The following XAB2 variants were observed in gnomAD, a reference collection of about 807,000 sequenced individuals.
XAB2 encodes the protein pre-mRNA-splicing factor SYF1.
A neutral mutation model predicts 113.4 loss-of-function variants in XAB2; 57 were observed. The observed-to-expected ratio is 0.50, with a 90% confidence interval of 0.41 to 0.63. XAB2 has a LOEUF of 0.63. XAB2 is among the 20% of genes least tolerant of loss of function. The pLI, the probability that XAB2 is intolerant of heterozygous loss-of-function variation, is 0.00. For synonymous variants in XAB2, 497 were observed against 498.8 expected (o/e 1.00, Z 0.05); for missense variants, 1,037 against 1,233.3 (o/e 0.84, Z 2.38).
Position 7,620,685 on chromosome 19 carries a change from G to A in XAB2, c.1972-16C>T. 1 of 1,611,684 alleles carries A rather than the reference G, an allele frequency of 6.2e-7. No individual in the cohort carries two copies. The highest frequency in any genetic ancestry group is 8.5e-7 in the Non-Finnish European group (1 of 1,179,386). ...CCGACAGCACCTGGACACCGGGGTT[G>A]GGGAGGCCGGGAGTGAGGCCGGGGT... On this transcript the variant is annotated splice_polypyrimidine_tract_variant and intron_variant, in intron 14 of 18. Transcript: ENST00000358368.
chr19:7,628,442 C>T lies in XAB2; in HGVS notation c.52-144G>A, dbSNP rs2031189329. ...CCAAGGAAGTCAGGTCACCAGATGCCCAGGCACCAAACCAGATGCCCGACA... is the reference window on the plus strand; with the variant it reads ...CCAAGGAAGTCAGGTCACCAGATGCTCAGGCACCAAACCAGATGCCCGACA... On this transcript the variant is annotated intron_variant, in intron 1 of 18. Transcript: ENST00000358368. This position sits in a 1 kb window ranked among gnomAD's most constrained non-coding sequence, Gnocchi z 4.6. 2 of 981,310 alleles carry T rather than the reference C, an allele frequency of 2.0e-6. No homozygotes were observed. Among genetic ancestry groups the T allele is most frequent in the Non-Finnish European group, 3.0e-6 (2 of 668,270 alleles). The allele number at this position is 981,310 out of a possible 1,614,324, so 60.8% of individuals were successfully genotyped here. A position where few individuals can be genotyped will look rare whatever the true frequency, so the allele number is the denominator to read the frequency against.
At position 7,626,188 on chromosome 19, in the gene XAB2, G is replaced by C; in HGVS notation, c.605C>G (p.Thr202Ser). 6.2e-7 allele frequency: 1 copy of C among 1,613,740 alleles called. No homozygotes were observed. The highest frequency in any genetic ancestry group is 8.5e-7 in the Non-Finnish European group (1 of 1,180,020). ...CACGAAACGCTCGTCGTTCACCACG[G>C]TGGCCAGGCGCTGGGCGGCCTCATC... ...RLDEAAQRLA[T>S]VVNDERFVSK... The change falls in exon 5 of 19, where the codon ACC (threonine) becomes AGC (serine). Residue 202 changes from threonine to serine, a missense_variant. Transcript: ENST00000358368.
chr19:7,623,005 C>A lies in XAB2; in HGVS notation c.1240-112G>T. 6.5e-7 allele frequency: 1 copy of A among 1,544,724 alleles called. No homozygotes were observed. The highest frequency in any genetic ancestry group is 1.2e-5 in the South Asian group (1 of 84,064). On this transcript the variant is annotated intron_variant, in intron 9 of 18. Transcript: ENST00000358368. This position sits in a 1 kb window ranked among gnomAD's most constrained non-coding sequence, Gnocchi z 4.6. ...AAACATACAGGCACAAACACACAGG[C>A]ACACACACAGGCACACACATGCGTG...
Position 7,624,242 on chromosome 19 carries a change from C to A in XAB2, c.967+59G>T, listed in dbSNP as rs939814338. 6.2e-7 allele frequency: 1 copy of A among 1,603,362 alleles called. No homozygotes were observed. The highest frequency in any genetic ancestry group is 8.5e-7 in the Non-Finnish European group (1 of 1,179,500). Reference sequence around the variant, plus strand: ...CTGCCTCACCTGAGATGTGTCCCGCCCCTACCGCTAATGTCCACTCAGCTC... The same window carrying A: ...CTGCCTCACCTGAGATGTGTCCCGCACCTACCGCTAATGTCCACTCAGCTC... On this transcript the variant is annotated intron_variant, in intron 7 of 18. Coordinates refer to ENST00000358368, the MANE Select transcript of XAB2 (RefSeq NM_020196.3). This position sits in a 1 kb window ranked among gnomAD's most constrained non-coding sequence, Gnocchi z 4.2.
Position 7,629,531 on chromosome 19 carries a change from T to G in XAB2, c.-4A>C, listed in dbSNP as rs149669681. ...AGAGTCGCGCCATCACCACCATTTT[T>G]CTGGATGCCCAGGTACAGGAGAGAG... On this transcript the variant is annotated 5_prime_UTR_variant, in exon 1 of 19. Transcript: ENST00000358368. The G allele has an allele frequency of 1.9e-6, 3 of 1,604,156 alleles. No homozygotes were observed. In the African/African-American group the frequency reaches 4.0e-5, roughly 21 times the overall value.
Position 7,623,364 on chromosome 19 carries a change from G to A in XAB2, c.1120-75C>T, listed in dbSNP as rs571449368. The A allele has an allele frequency of 4.9e-4, 777 of 1,580,480 alleles. 5 individuals carry two copies. In the South Asian group the frequency reaches 8.3e-3, roughly 17 times the overall value. On this transcript the variant is annotated intron_variant, in intron 8 of 18. Transcript: ENST00000358368. The surrounding 1 kb of genome is among the most constrained non-coding windows in gnomAD (Gnocchi z 4.6). The stretch of plus-strand genomic sequence containing the variant: ...ACGGTCGGGGCAGAGCTGTGGCTCT[G>A]AGGGGTGGGGCCTGGAGGGTGCTGT...
intron 12 of XAB2, chr19:7,621,953 A>G (rs1163448465): frequency 1.3e-5 from 3 of 231,990 alleles, no homozygotes; most frequent in Non-Finnish European, 2.6e-5. Context: ...AGTACCTCAG[A>G]AAGTAGATTC....
Position 7,628,223 on chromosome 19 carries a change from C to G in XAB2, c.127G>C (p.Glu43Gln). Reference sequence around the variant, plus strand: ...GGCTTCGGGGCGCCCTGTTTGAACTCGATGTAGCGAAGCCAGCATTTGACA... The same window carrying G: ...GGCTTCGGGGCGCCCTGTTTGAACTGGATGTAGCGAAGCCAGCATTTGACA... ...FSVKCWLRYIEFKQGAPKPRL... is the reference protein window; with the variant it reads ...FSVKCWLRYIQFKQGAPKPRL... Residue 43 changes from glutamate (E) to glutamine (Q), a missense_variant, in exon 2 of 19, where the codon GAG becomes CAG. Physicochemically the swap from Glu to Gln is conservative, Grantham distance 29. Coordinates refer to ENST00000358368, the MANE Select transcript of XAB2 (RefSeq NM_020196.3). This position sits in a 1 kb window ranked among gnomAD's most constrained non-coding sequence, Gnocchi z 4.6. 6.2e-7 allele frequency: 1 copy of G among 1,614,084 alleles called. No individual in the cohort carries two copies. The highest frequency in any genetic ancestry group is 8.5e-7 in the Non-Finnish European group (1 of 1,180,012).
rs1218554585 is a variant in XAB2, at chr19:7,624,679, T to C, written c.823-234A>G. On this transcript the variant is annotated intron_variant, in intron 6 of 18. Transcript: ENST00000358368. This position sits in a 1 kb window ranked among gnomAD's most constrained non-coding sequence, Gnocchi z 4.2. ...TTCAGGACCTCCTCAGTAAACTGGG[T>C]GACTGCCCTTTGCACACAGTGACCT... 6.6e-6 allele frequency among the ~76,000 whole-genome samples: 1 copy of C among 152,116 alleles called. No individual in the cohort carries two copies. Among genetic ancestry groups the C allele is most frequent in the African/African-American group, 2.4e-5 (1 of 41,414 alleles).
intron 12 of XAB2, 144 bp from the exon 13 acceptor site, chr19:7,621,441 G>T: frequency 1.2e-6 from 1 of 852,468 alleles, no homozygotes; most frequent in Non-Finnish European, 1.8e-6. Flanking sequence ...GTCCCTAATG[G>T]CAGTTGTGGG....
rs371936099 is a variant in XAB2 at position 7,628,226 on chromosome 19, T to A, written c.124A>T (p.Ile42Phe). Residue 42 changes from isoleucine (I) to phenylalanine (F), a missense_variant, in exon 2 of 19, where the codon ATC becomes TTC. Ile to Phe is a conservative substitution (Grantham distance 21, BLOSUM62 0). Transcript: ENST00000358368. This position sits in a 1 kb window ranked among gnomAD's most constrained non-coding sequence, Gnocchi z 4.6. ...TTCGGGGCGCCCTGTTTGAACTCGA[T>A]GTAGCGAAGCCAGCATTTGACAGAG... Reference protein sequence around the residue: ...QFSVKCWLRYIEFKQGAPKPR... With the variant: ...QFSVKCWLRYFEFKQGAPKPR... 37 of 1,614,120 alleles carry A rather than the reference T, an allele frequency of 2.3e-5. No individual in the cohort carries two copies. The highest frequency in any genetic ancestry group is 2.9e-5 in the Non-Finnish European group (34 of 1,180,012).
rs767655281 is a variant in XAB2, at chr19:7,624,971, C to T, written c.823-526G>A. ...GCCCTGCTGCCTCCGACAGCCTTGG[C>T]CTACACGTGCCCCTGGAAGGGGCGC... On this transcript the variant is annotated intron_variant, in intron 6 of 18. Transcript: ENST00000358368. This position sits in a 1 kb window ranked among gnomAD's most constrained non-coding sequence, Gnocchi z 4.2. Among the ~76,000 whole-genome samples, 32 of 152,232 alleles carry T rather than the reference C, an allele frequency of 2.1e-4. No individual in the cohort carries two copies. The highest frequency in any genetic ancestry group is 4.6e-4 in the Non-Finnish European group (31 of 68,042).
In XAB2 at chr19:7,621,222, T is replaced by C. The variant is rs1478593995; in HGVS notation, c.1693A>G (p.Ile565Val). 1 of 1,612,750 alleles carries C rather than the reference T, an allele frequency of 6.2e-7. No individual in the cohort carries two copies. The highest frequency in any genetic ancestry group is 1.7e-5 in the Admixed American group (1 of 59,914). Residue 565 changes from isoleucine to valine, a missense_variant, in exon 13 of 19, where the codon ATT becomes GTT. Physicochemically the swap from Ile to Val is conservative, Grantham distance 29. Transcript: ENST00000358368. ...AGCTTGCGGCCCCCATAGCGGGCAA[T>C]GAATTTGGTCAGGTAGGTGCTCCAG... ...DIWSTYLTKF[I>V]ARYGGRKLER... is the part of the protein sequence containing the mutation.
At chr19:7,626,408 C>T in intron 4 of XAB2, 138 bp from the exon 5 acceptor site, 1 of 1,279,096 alleles carries the variant, frequency 7.8e-7, no homozygotes, top group Non-Finnish European at 1.1e-6. Flanking sequence ...AAACCAGCCT[C>T]AGCCCCACTG....
chr19:7,623,003 G>GGC lies in XAB2; in HGVS notation c.1240-112_1240-111dup. On this transcript the variant is annotated intron_variant, in intron 9 of 18. Coordinates refer to ENST00000358368, the MANE Select transcript of XAB2 (RefSeq NM_020196.3). The surrounding 1 kb of genome is among the most constrained non-coding windows in gnomAD (Gnocchi z 4.6). Reference sequence around the variant, plus strand: ...ACAAACATACAGGCACAAACACACAGGCACACACACAGGCACACACATGCG... The same window carrying GGC: ...ACAAACATACAGGCACAAACACACAGGCGCACACACACAGGCACACACATGCG... 5.2e-6 allele frequency: 8 copies of GGC among 1,545,360 alleles called. No homozygotes were observed. The highest frequency in any genetic ancestry group is 7.0e-6 in the Non-Finnish European group (8 of 1,145,778).
In XAB2 at chr19:7,624,913, G is replaced by T. The variant is rs2031107500; in HGVS notation, c.823-468C>A. The stretch of plus-strand genomic sequence containing the variant: ...ACCTGGCTCGCCCACCCCAGCTCAG[G>T]TCCCCTCTCTCTACCCAGCCCTGAC... On this transcript the variant is annotated intron_variant, in intron 6 of 18. Transcript: ENST00000358368. This position sits in a 1 kb window ranked among gnomAD's most constrained non-coding sequence, Gnocchi z 4.2. 6.6e-6 allele frequency among the ~76,000 whole-genome samples: 1 copy of T among 152,060 alleles called. No homozygotes were observed. Among genetic ancestry groups the T allele is most frequent in the South Asian group, 2.1e-4 (1 of 4,830 alleles).
In XAB2 at chr19:7,619,765, T is replaced by TCTCGTC. The variant is rs570282562; in HGVS notation, c.2482_2487dup (p.Asp828_Glu829dup). 103 of 1,613,712 alleles carry TCTCGTC rather than the reference T, an allele frequency of 6.4e-5. 1 individual carries two copies. In the African/African-American group the frequency reaches 7.3e-4, roughly 11 times the overall value. On this transcript the variant is annotated inframe_insertion, in exon 18 of 19. Coordinates refer to ENST00000358368, the MANE Select transcript of XAB2 (RefSeq NM_020196.3). ...CCCTCACCGTTGGGCTCCAGGTCCATCTCGTCCTCGTCCTCGTCCTCGCCC... is the reference window on the plus strand; with the variant it reads ...CCCTCACCGTTGGGCTCCAGGTCCATCTCGTCCTCGTCCTCGTCCTCGTCCTCGCCC...
Position 7,623,657 on chromosome 19 carries a change from G to A in XAB2, c.1119+74C>T. The A allele has an allele frequency of 6.6e-7, 1 of 1,509,482 alleles. No homozygotes were observed. Among genetic ancestry groups the A allele is most frequent in the Non-Finnish European group, 8.8e-7 (1 of 1,132,834 alleles). The allele number at this position is 1,509,482 out of a possible 1,614,324, so 93.5% of individuals were successfully genotyped here. On this transcript the variant is annotated intron_variant, in intron 8 of 18. Coordinates refer to ENST00000358368, the MANE Select transcript of XAB2 (RefSeq NM_020196.3). This position sits in a 1 kb window ranked among gnomAD's most constrained non-coding sequence, Gnocchi z 4.6. ...CAGGCCCCTAGAAGGTGACATTATGGGTGAAGGTGGGTGGCTCCCCAGTTC... is the reference window on the plus strand; with the variant it reads ...CAGGCCCCTAGAAGGTGACATTATGAGTGAAGGTGGGTGGCTCCCCAGTTC...
intron 4 of XAB2, among the ~76,000 whole-genome samples, chr19:7,626,917 C>A (rs1231949088): frequency 6.6e-6 from 1 of 152,200 alleles, no homozygotes; most frequent in Non-Finnish European, 1.5e-5. Context: ...CTATTCCTGG[C>A]CCTCTTCATG....
Sources: allele counts gnomAD v4.1 joint callset (sites outside exome capture counted in the v4.1 genomes callset), GRCh38; gene constraint gnomAD v4.1.1; non-coding constraint Gnocchi (gnomAD v3.1); transcripts MANE v1.5; gene names NCBI Gene and HGNC (gene_info 2026-07-23, HGNC 2026-07-21).